Variants in TP73 observed in about 807,000 individuals in gnomAD.
TP73 encodes the protein p53-like transcription factor.
In TP73, 25 loss-of-function variants were observed where a neutral mutation model predicts 62.5. That is an observed-to-expected ratio of 0.40 (90% CI 0.29 to 0.56). The LOEUF (loss-of-function observed/expected upper bound fraction) is 0.56. TP73 is among the 20% of genes least tolerant of loss of function. The pLI, the probability that TP73 is intolerant of heterozygous loss-of-function variation, is 0.46. For synonymous variants in TP73, 423 were observed against 377.5 expected, an observed-to-expected ratio of 1.12 and a Z score of -1.40; for missense variants, 754 against 913.3, an observed-to-expected ratio of 0.83 and a Z score of 2.25.
At chr1:3,689,606 G>A (rs2124218865) in intron 3 of TP73, among the ~76,000 whole-genome samples, 1 of 152,268 alleles carries the variant, frequency 6.6e-6, no homozygotes, top group African/African-American at 2.4e-5. Flanking sequence ...TGGGGGTGGG[G>A]AGCGATGAGG....
chr1:3,673,209 G>C (rs1432388465), intron 1 of TP73, among the ~76,000 whole-genome samples: 4 of 152,224 alleles, frequency 2.6e-5, no homozygotes, highest in East Asian at 1.9e-4. Flanking sequence ...CTGTAAAAGT[G>C]GGGTGAGACA....
At position 3,666,372 on chromosome 1, in the gene TP73, G is replaced by A. The variant is rs140566042; in HGVS notation, c.-34+13731G>A. ...TGCTATGTATCCCACACTAATGAAT[G>A]TAAAATCTTAAAATGGTGCCTGGTG... On this transcript the variant is annotated intron_variant, in intron 1 of 13. Transcript: ENST00000378295. The surrounding 1 kb of genome is among the most constrained non-coding windows in gnomAD (Gnocchi z 6.4). Among the ~76,000 whole-genome samples the A allele has an allele frequency of 2.2e-3, 341 of 152,320 alleles. 2 individuals are homozygous for A. Among genetic ancestry groups the A allele is most frequent in the African/African-American group, 7.7e-3 (321 of 41,566 alleles).
At chr1:3,725,410 GATGA>G (rs1343112885) in intron 6 of TP73, among the ~76,000 whole-genome samples, 10 of 128,048 alleles carry the variant, frequency 7.8e-5, no homozygotes, top group African/African-American at 2.9e-4. Flanking sequence ...GGGTGGGGTG[GATGA>G]ATGGATGGAT....
chr1:3,722,349 C>CAG, intron 5 of TP73, 142 bp downstream of exon 5: 1 of 1,034,822 alleles, frequency 9.7e-7, no homozygotes, highest in Non-Finnish European at 1.4e-6. Context: ...TCAGTGCCTC[C>CAG]ACCAGCCCCC....
At chr1:3,710,211 G>T (rs968746248) in intron 4 of TP73, among the ~76,000 whole-genome samples, 1 of 147,738 alleles carries the variant, frequency 6.8e-6, no homozygotes, top group Non-Finnish European at 1.5e-5. Context: ...GGGGGAGGGT[G>T]GGGGGGCGCG....
chr1:3,681,860 G>C (rs1033691512), intron 1 of TP73, among the ~76,000 whole-genome samples: 4 of 108,980 alleles, frequency 3.7e-5, no homozygotes, highest in African/African-American at 1.1e-4. Flanking sequence ...GATCGTAACA[G>C]ACCACAGGCC....
chr1:3,679,821 CTCTGTCTCTCTTTGTCCTTGTA>C (rs1336793728), intron 1 of TP73, among the ~76,000 whole-genome samples: 2 of 98,358 alleles, frequency 2.0e-5, no homozygotes, highest in Non-Finnish European at 4.5e-5. Context: ...CTGTCTCTGT[CTCTGTCTCTCTTTGTCCTTGTA>C]TCTCTCTGTC....
chr1:3,730,792 G>A, intron 11 of TP73, 135 bp from the exon 12 acceptor site: 1 of 1,205,396 alleles, frequency 8.3e-7, no homozygotes, highest in Non-Finnish European at 1.1e-6. Context: ...CTAGCTGGCA[G>A]GGGTGATGCC....
chr1:3,721,309 A>G (rs1182106466), intron 4 of TP73, among the ~76,000 whole-genome samples: 1 of 152,204 alleles, frequency 6.6e-6, no homozygotes, highest in African/African-American at 2.4e-5. Context: ...AGACAGACCT[A>G]TTAGCTCCTC....
At chr1:3,668,117 T>C (rs1645161504) in intron 1 of TP73, among the ~76,000 whole-genome samples, 1 of 152,218 alleles carries the variant, frequency 6.6e-6, no homozygotes, top group African/African-American at 2.4e-5. Flanking sequence ...GTTCAGGTCT[T>C]TCCTCTCCCC....
At chr1:3,678,614 G>A (rs1390317540) in intron 1 of TP73, among the ~76,000 whole-genome samples, 6 of 152,262 alleles carry the variant, frequency 3.9e-5, no homozygotes, top group East Asian at 1.9e-4. Context: ...GCAGGTTTCC[G>A]GGTCCTGGTT....
chr1:3,719,289 C>T (rs1372927679), intron 4 of TP73, among the ~76,000 whole-genome samples: 2 of 152,190 alleles, frequency 1.3e-5, no homozygotes, highest in Non-Finnish European at 2.9e-5. Context: ...TTCCAGGGGG[C>T]CTGTGTGCTC....
chr1:3,707,011 C>T (rs1343693843), intron 3 of TP73, among the ~76,000 whole-genome samples: 2 of 152,154 alleles, frequency 1.3e-5, no homozygotes, highest in Non-Finnish European at 1.5e-5. Context: ...CCTTATCCCA[C>T]CACCTAGAGG....
chr1:3,714,232 C>G (rs1353817530), intron 4 of TP73: 5 of 152,294 alleles, frequency 3.3e-5, no homozygotes, highest in African/African-American at 1.2e-4. Context: ...ACAGCTTACT[C>G]CCCTCCCTCC....
chr1:3,668,316 T>G (rs1557490206), intron 1 of TP73, among the ~76,000 whole-genome samples: 2 of 152,166 alleles, frequency 1.3e-5, no homozygotes, highest in African/African-American at 4.8e-5. Context: ...CACACATCCG[T>G]GCAGCACCTA....
chr1:3,706,775 C>T (rs768728311), intron 3 of TP73, among the ~76,000 whole-genome samples: 6 of 152,046 alleles, frequency 3.9e-5, no homozygotes, highest in Non-Finnish European at 1.5e-5. Flanking sequence ...CAGACGGTGG[C>T]GCAGGGGACA....
chr1:3,696,067 C>G lies in TP73; in HGVS notation c.187-11482C>G, dbSNP rs1489457571. The stretch of plus-strand genomic sequence containing the variant: ...TGCATAGCTGAGAAGGAGCCGCATG[C>G]AGGGAGGAGGACGACGAGCGAGCAG... On this transcript the variant is annotated intron_variant, in intron 3 of 13. Coordinates refer to ENST00000378295, the MANE Select transcript of TP73 (RefSeq NM_005427.4). The surrounding 1 kb of genome is among the most constrained non-coding windows in gnomAD (Gnocchi z 4.1). 6.6e-6 allele frequency among the ~76,000 whole-genome samples: 1 copy of G among 152,184 alleles called. No homozygotes were observed. The highest frequency in any genetic ancestry group is 1.5e-5 in the Non-Finnish European group (1 of 68,034).
At chr1:3,687,711 C>T (rs1320925238) in intron 3 of TP73, among the ~76,000 whole-genome samples, 1 of 152,128 alleles carries the variant, frequency 6.6e-6, no homozygotes. Context: ...CTCCCCTCCC[C>T]TCTCTGTCCC....
rs527268198 is a variant in TP73 at position 3,685,565 on chromosome 1, G to GC, written c.186+2387dup. On this transcript the variant is annotated intron_variant, in intron 3 of 13. Transcript: ENST00000378295. ...GCCCCCTCACAACAGTGGCTGCTGG[G>GC]CCAAGAGCATGCTGTCCCCTACCCC... 1.8e-4 allele frequency among the ~76,000 whole-genome samples: 27 copies of GC among 152,324 alleles called. No homozygotes were observed. In the East Asian group the frequency reaches 5.0e-3, roughly 28 times the overall value.
Sources: gnomAD v4.1 joint callset for allele counts (sites outside exome capture counted in the v4.1 genomes callset) on GRCh38, gnomAD v4.1.1 for gene constraint, Gnocchi (gnomAD v3.1) non-coding constraint, MANE v1.5 for transcripts, NCBI Gene and HGNC (gene_info 2026-07-23, HGNC 2026-07-21) for gene names.